Variants in KATNB1 observed in about 807,000 individuals in gnomAD.
KATNB1 encodes katanin p80 WD40 repeat-containing subunit B1.
A neutral mutation model predicts 82.3 loss-of-function variants in KATNB1; 38 were observed. The ratio of observed to expected loss-of-function variants is 0.46; its 90% CI spans 0.36 to 0.61. KATNB1 has a LOEUF of 0.61. KATNB1 is among the 20% of genes least tolerant of loss of function. The pLI, the probability that KATNB1 is intolerant of heterozygous loss-of-function variation, is 0.00. For synonymous variants in KATNB1, 361 were observed against 368.7 expected (o/e 0.98, Z 0.24); for missense variants, 749 against 915.7 (o/e 0.82, Z 2.35).
At chr16:57,741,547 A>G (rs1294369998) in intron 2 of KATNB1, 140 bp from the exon 3 acceptor site, 2 of 838,582 alleles carry the variant, frequency 2.4e-6, no homozygotes, top group East Asian at 5.1e-5. Context: ...CTCATGGTGG[A>G]CACCAAAGGG....
rs1010466935 is a variant in KATNB1 at position 57,743,974 on chromosome 16, C to T, written c.172-420C>T. Among the ~76,000 whole-genome samples the T allele has an allele frequency of 7.9e-5, 12 of 152,332 alleles. No homozygotes were observed. In the East Asian group the frequency reaches 1.2e-3, roughly 15 times the overall value. ...CCCAGGACTAGGCAGGCCTTGGTTC[C>T]GCTGTGGCTTACCTCGCTGAGGGGC... On this transcript the variant is annotated intron_variant, in intron 3 of 19. Coordinates refer to ENST00000379661, the MANE Select transcript of KATNB1 (RefSeq NM_005886.3).
At chr16:57,754,087 C>T in intron 13 of KATNB1, 92 bp downstream of exon 13, 1 of 1,089,936 alleles carries the variant, frequency 9.2e-7, no homozygotes, top group Non-Finnish European at 1.4e-6. Context: ...AGCCCCTTCC[C>T]AGGACCCTCC....
intron 19 of KATNB1, 76 bp downstream of exon 19, chr16:57,756,548 TCTTA>T (rs2049285642): frequency 7.4e-7 from 1 of 1,350,376 alleles, no homozygotes; most frequent in Admixed American, 1.8e-5. Flanking sequence ...CCTGGGCCCC[TCTTA>T]CTGACAGTCC....
chr16:57,746,471 C>G (rs1355660420), intron 4 of KATNB1, among the ~76,000 whole-genome samples: 1 of 152,208 alleles, frequency 6.6e-6, no homozygotes, highest in Non-Finnish European at 1.5e-5. Flanking sequence ...GCTAGGTCGT[C>G]ACTGGTTTCA....
intron 4 of KATNB1, 69 bp downstream of exon 4, chr16:57,744,580 C>A: frequency 7.8e-7 from 1 of 1,288,962 alleles, no homozygotes; most frequent in Non-Finnish European, 1.1e-6. Context: ...AGTTGTACTG[C>A]TTCCTCCAGG....
At position 57,752,652 on chromosome 16, in the gene KATNB1, G is replaced by A. The variant is rs782596062; in HGVS notation, c.704+51G>A. On this transcript the variant is annotated intron_variant, in intron 9 of 19. Transcript: ENST00000379661. ...CCAGCGCTCCTCCCGGCAGTGGGGC[G>A]TGGCTGTGGGTGGGCCTTTCCCATC... The A allele has an allele frequency of 1.2e-5, 18 of 1,543,858 alleles. 1 individual carries two copies. Among genetic ancestry groups the A allele is most frequent in the African/African-American group, 1.1e-4 (8 of 73,444 alleles).
rs149445569 is a variant in KATNB1, at chr16:57,750,575, G to A, written c.290-252G>A. 3.7e-4 allele frequency among the ~76,000 whole-genome samples: 57 copies of A among 152,242 alleles called. No individual in the cohort carries two copies. The East Asian group carries it at 9.9e-3, about 26-fold the overall frequency. On this transcript the variant is annotated intron_variant, in intron 4 of 19. Coordinates refer to ENST00000379661, the MANE Select transcript of KATNB1 (RefSeq NM_005886.3). ...CGGGAGGCAGAGGTTGCAGTGAGCC[G>A]AGATCACGCCATTGCATTCCAGCCT... is the stretch of plus-strand genomic sequence containing the variant.
At chr16:57,746,931 G>C (rs2049187908) in intron 4 of KATNB1, among the ~76,000 whole-genome samples, 1 of 152,130 alleles carries the variant, frequency 6.6e-6, no homozygotes, top group East Asian at 1.9e-4. Flanking sequence ...ACCCAGGCTG[G>C]AGTGCAGTGG....
At chr16:57,740,767 C>T (rs2049136219) in intron 2 of KATNB1, among the ~76,000 whole-genome samples, 1 of 152,178 alleles carries the variant, frequency 6.6e-6, no homozygotes, top group Non-Finnish European at 1.5e-5. Flanking sequence ...TGCACAGGCT[C>T]CTCCTCTGTG....
intron 3 of KATNB1, among the ~76,000 whole-genome samples, chr16:57,742,692 C>T (rs1391961139): frequency 2.0e-5 from 3 of 152,162 alleles, no homozygotes; most frequent in Admixed American, 6.5e-5. Context: ...AGGGATGAGC[C>T]GTAATTAGCT....
At chr16:57,736,103 C>T (rs915988199) in intron 1 of KATNB1, 1 of 152,454 alleles carries the variant, frequency 6.6e-6, no homozygotes, top group Admixed American at 6.5e-5. Context: ...AGCTGGGGGT[C>T]TGCAGAAGGA....
In KATNB1 at chr16:57,756,477, G is replaced by A; in HGVS notation, c.1835+5G>A. The A allele has an allele frequency of 6.2e-7, 1 of 1,610,446 alleles. No homozygotes were observed. The highest frequency in any genetic ancestry group is 8.5e-7 in the Non-Finnish European group (1 of 1,177,892). ...GGATATCAGCAGGGAGGAGAGGTGA[G>A]GGCAGCGCATGTGTTGGGGGCAGGG... On this transcript the variant is annotated splice_donor_5th_base_variant and intron_variant, in intron 19 of 19. Coordinates refer to ENST00000379661, the MANE Select transcript of KATNB1 (RefSeq NM_005886.3).
At position 57,751,140 on chromosome 16, in the gene KATNB1, C is replaced by T. The variant is rs1255400908; in HGVS notation, c.391-121C>T. ...AGTGAGCAGTTTCTGTCCTTGTCTC[C>T]GTGGGGAGTAACGACCTAGAGAAGG... On this transcript the variant is annotated intron_variant, in intron 5 of 19. Transcript: ENST00000379661. This position sits in a 1 kb window ranked among gnomAD's most constrained non-coding sequence, Gnocchi z 6.3. 19 of 985,028 alleles carry T rather than the reference C, an allele frequency of 1.9e-5. No homozygotes were observed. The highest frequency in any genetic ancestry group is 1.7e-4 in the East Asian group (7 of 40,482). The allele number at this position is 985,028 out of a possible 1,614,324, so 61.0% of individuals were successfully genotyped here.
intron 8 of KATNB1, chr16:57,752,256 C>T: frequency 1.6e-6 from 1 of 635,566 alleles, no homozygotes; most frequent in East Asian, 2.7e-5. Context: ...GCCCCAGTGT[C>T]CCAGGTCTGT....
At chr16:57,753,339 T>G (rs1203088236) in intron 11 of KATNB1, 50 bp from the exon 12 acceptor site, 3 of 1,589,140 alleles carry the variant, frequency 1.9e-6, no homozygotes, top group African/African-American at 2.7e-5. Context: ...GTTCCAGCCC[T>G]GGGCCTCACA....
chr16:57,750,954 C>G, intron 5 of KATNB1, 27 bp downstream of exon 5: 1 of 1,574,540 alleles, frequency 6.4e-7, no homozygotes, highest in East Asian at 2.2e-5. Flanking sequence ...TGCCCCGTGT[C>G]TCCTGCTGGG....
rs182606259 is a variant in KATNB1 at position 57,737,165 on chromosome 16, G to A, written c.-79G>A. The stretch of plus-strand genomic sequence containing the variant: ...TCTGCCAACTTGATTGGTGGATCTG[G>A]GGGGGGATCCACCCCCACCCCACGA... On this transcript the variant is annotated 5_prime_UTR_variant, in exon 2 of 20. It introduces an in-frame stop codon into an upstream open reading frame of the 5' UTR. Coordinates refer to ENST00000379661, the MANE Select transcript of KATNB1 (RefSeq NM_005886.3). 3 of 1,545,182 alleles carry A rather than the reference G, an allele frequency of 1.9e-6. No homozygotes were observed. In the African/African-American group the frequency reaches 4.1e-5, roughly 21 times the overall value.
intron 3 of KATNB1, among the ~76,000 whole-genome samples, chr16:57,742,177 C>A (rs781937250): frequency 6.6e-6 from 1 of 152,264 alleles, no homozygotes; most frequent in Non-Finnish European, 1.5e-5. Context: ...TCCCCTCCCA[C>A]CTGCCCATCT....
chr16:57,740,481 G>T (rs1222759759), intron 2 of KATNB1, among the ~76,000 whole-genome samples: 1 of 152,258 alleles, frequency 6.6e-6, no homozygotes, highest in Non-Finnish European at 1.5e-5. Context: ...TGCAGGAGGG[G>T]CCTCTGTGGA....
Sources: allele counts gnomAD v4.1 joint callset (sites outside exome capture counted in the v4.1 genomes callset), GRCh38; gene constraint gnomAD v4.1.1; non-coding constraint Gnocchi (gnomAD v3.1); transcripts MANE v1.5; gene names NCBI Gene and HGNC (gene_info 2026-07-23, HGNC 2026-07-21).